Variants in ATF7IP2 observed in about 807,000 individuals in gnomAD.
ATF7IP2 encodes the protein activating transcription factor 7-interacting protein 2.
ATF7IP2 carries 42 observed loss-of-function variants against 64.2 expected under a neutral mutation model. The ratio of observed to expected loss-of-function variants is 0.65; its 90% CI spans 0.51 to 0.85. ATF7IP2 has a LOEUF of 0.85. Among genes scored for constraint, ATF7IP2 ranks in the 40% least tolerant of loss-of-function variants. ATF7IP2 has a pLI of 0.00. For missense variants in ATF7IP2, 933 were observed against 784.2 expected (o/e 1.19, Z -2.27); for synonymous variants, 308 against 272.8 (o/e 1.13, Z -1.27).
chr16:10,427,324 C>G (rs2048105134), intron 3 of ATF7IP2, among the ~76,000 whole-genome samples: 1 of 152,124 alleles, frequency 6.6e-6, no homozygotes, highest in Non-Finnish European at 1.5e-5. Context: ...ACAATGAGAG[C>G]TAATTCTTTA....
chr16:10,394,251 A>C (rs191436767), intron 1 of ATF7IP2, among the ~76,000 whole-genome samples: 9 of 152,300 alleles, frequency 5.9e-5, no homozygotes, highest in Admixed American at 3.3e-4. Flanking sequence ...GCCTATACTG[A>C]TTTCAGACAA....
intron 1 of ATF7IP2, among the ~76,000 whole-genome samples, chr16:10,394,319 G>T (rs995988862): frequency 6.6e-6 from 1 of 152,202 alleles, no homozygotes. Context: ...TGACAGAAGA[G>T]TTGGTGCCTC....
At chr16:10,403,277 A>G in intron 1 of ATF7IP2, among the ~76,000 whole-genome samples, 1 of 152,162 alleles carries the variant, frequency 6.6e-6, no homozygotes, top group East Asian at 1.9e-4. Flanking sequence ...TCATGTTACC[A>G]GAATTGTCCA....
At chr16:10,453,016 G>A (rs917672873) in intron 8 of ATF7IP2, among the ~76,000 whole-genome samples, 1 of 152,154 alleles carries the variant, frequency 6.6e-6, no homozygotes, top group Non-Finnish European at 1.5e-5. Context: ...TTAGCTAGCT[G>A]GGCTCCGTGT....
chr16:10,430,116 A>G (rs1018617219), intron 4 of ATF7IP2, among the ~76,000 whole-genome samples: 1 of 151,926 alleles, frequency 6.6e-6, no homozygotes, highest in African/African-American at 2.4e-5. Flanking sequence ...GGCCTCCCAA[A>G]CTGCTGGGAT....
intron 8 of ATF7IP2, among the ~76,000 whole-genome samples, chr16:10,455,111 A>C (rs903748258): frequency 4.6e-5 from 7 of 152,220 alleles, no homozygotes; most frequent in Non-Finnish European, 8.8e-5. Flanking sequence ...GGTAGATGGA[A>C]AAAATGGTCC....
intron 9 of ATF7IP2, among the ~76,000 whole-genome samples, chr16:10,471,025 G>C (rs1433564589): frequency 6.6e-6 from 1 of 151,960 alleles, no homozygotes; most frequent in East Asian, 1.9e-4. Context: ...TTGACCAGTG[G>C]ACACACTAGA....
At chr16:10,470,262 T>C (rs1421434150) in intron 9 of ATF7IP2, among the ~76,000 whole-genome samples, 1 of 152,080 alleles carries the variant, frequency 6.6e-6, no homozygotes, top group Non-Finnish European at 1.5e-5. Context: ...CAATTGGAAT[T>C]TGAAATTTAA....
chr16:10,434,834 G>T (rs907163737), intron 6 of ATF7IP2, among the ~76,000 whole-genome samples: 1 of 152,162 alleles, frequency 6.6e-6, no homozygotes, highest in Non-Finnish European at 1.5e-5. Context: ...GTCTCACTTT[G>T]TCACCCAGAC....
intron 2 of ATF7IP2, among the ~76,000 whole-genome samples, chr16:10,415,273 A>G (rs1421054306): frequency 6.6e-6 from 1 of 152,216 alleles, no homozygotes; most frequent in Non-Finnish European, 1.5e-5. Flanking sequence ...CTAGCATAAA[A>G]ACAGACCAAA....
intron 1 of ATF7IP2, among the ~76,000 whole-genome samples, chr16:10,402,327 A>T (rs2083952): frequency 0.76 from 115,954 of 152,122 alleles, 44,514 homozygotes; most frequent in East Asian, 0.87. Context: ...ATTCATTTTT[A>T]CAATGACTCA....
At chr16:10,403,794 G>A (rs2047581624) in intron 1 of ATF7IP2, among the ~76,000 whole-genome samples, 1 of 152,148 alleles carries the variant, frequency 6.6e-6, no homozygotes, top group African/African-American at 2.4e-5. Flanking sequence ...TTATGGCAAT[G>A]AAAAATTCAT....
In ATF7IP2 at chr16:10,438,116, C is replaced by A; in HGVS notation, c.976C>A (p.Gln326Lys). 6.4e-7 allele frequency: 1 copy of A among 1,550,546 alleles called. No individual in the cohort carries two copies. ...AFLEQVRHLI[Q>K]QEIYSINYEL... ...AAAATTCTAGGTCAGACATTTGATT[C>A]AGCAGGAGATCTATAGCATAAATTA... The change falls in exon 7 of 14, where the codon CAG (glutamine) becomes AAG (lysine). Residue 326 changes from glutamine (Q) to lysine (K), a missense_variant. Physicochemically the swap from Gln to Lys is moderately conservative, Grantham distance 53 (BLOSUM62 1). Transcript: ENST00000562102.
At chr16:10,428,076 C>T (rs117746433) in intron 3 of ATF7IP2, among the ~76,000 whole-genome samples, 2,267 of 152,184 alleles carry the variant, frequency 0.015, 35 homozygotes, top group Non-Finnish European at 0.024. Flanking sequence ...TATTTGTTTA[C>T]ATATGACATT....
At chr16:10,420,300 G>A (rs1409678898) in intron 3 of ATF7IP2, among the ~76,000 whole-genome samples, 2 of 152,196 alleles carry the variant, frequency 1.3e-5, no homozygotes, top group Admixed American at 1.3e-4. Context: ...CAGACAAAAT[G>A]AGAAAAGGTA....
chr16:10,388,089 C>G (rs1463535517), intron 1 of ATF7IP2, among the ~76,000 whole-genome samples: 3 of 152,006 alleles, frequency 2.0e-5, no homozygotes, highest in African/African-American at 7.3e-5. Context: ...TGGGGTTTCA[C>G]CGTGTTGGCC....
At chr16:10,395,400 C>A (rs2047402807) in intron 1 of ATF7IP2, among the ~76,000 whole-genome samples, 1 of 151,998 alleles carries the variant, frequency 6.6e-6, no homozygotes, top group South Asian at 2.1e-4. Flanking sequence ...TCAATTCTTT[C>A]AAGAAATAGA....
At chr16:10,399,623 A>G (rs2047488633) in intron 1 of ATF7IP2, among the ~76,000 whole-genome samples, 2 of 152,314 alleles carry the variant, frequency 1.3e-5, no homozygotes, top group East Asian at 3.9e-4. Context: ...CAGGTAATGC[A>G]ATATCTTCAG....
chr16:10,439,636 G>A (rs1226239666), intron 7 of ATF7IP2, among the ~76,000 whole-genome samples: 1 of 148,058 alleles, frequency 6.8e-6, no homozygotes, highest in Non-Finnish European at 1.5e-5. Context: ...AGGTTCAAGC[G>A]AGTCTCCTGC....
Sources: allele counts gnomAD v4.1 joint callset (sites outside exome capture counted in the v4.1 genomes callset), GRCh38; gene constraint gnomAD v4.1.1; transcripts MANE v1.5; gene names NCBI Gene and HGNC (gene_info 2026-07-23, HGNC 2026-07-21).